The following GALNTL6 variants were observed in gnomAD, a reference collection of about 807,000 sequenced individuals.
The protein encoded by GALNTL6 is polypeptide N-acetylgalactosaminyltransferase like 6.
In GALNTL6, 46 loss-of-function variants were observed where a neutral mutation model predicts 73.7. That is an observed-to-expected ratio of 0.62 (90% CI 0.49 to 0.80). GALNTL6 has a LOEUF of 0.80. GALNTL6 is among the 30% of genes least tolerant of loss of function. The pLI is 0.00. For synonymous variants in GALNTL6, 259 were observed against 263.7 expected (o/e 0.98, Z 0.17); for missense variants, 604 against 755.0 (o/e 0.80, Z 2.34).
intron 3 of GALNTL6, among the ~76,000 whole-genome samples, chr4:172,284,338 G>A (rs1185966475): frequency 6.6e-6 from 1 of 152,108 alleles, no homozygotes; most frequent in African/African-American, 2.4e-5. Context: ...TGGGCATATT[G>A]CATAGTGGTG....
At chr4:172,667,269 C>T (rs1450029310) in intron 5 of GALNTL6, 1 of 152,220 alleles carries the variant, frequency 6.6e-6, no homozygotes, top group Non-Finnish European at 1.5e-5. Context: ...GTGTTAGGAG[C>T]TCCCTGTACC....
intron 5 of GALNTL6, among the ~76,000 whole-genome samples, chr4:172,645,327 T>C (rs1273134555): frequency 6.6e-6 from 1 of 152,072 alleles, no homozygotes; most frequent in African/African-American, 2.4e-5. Context: ...TTATTTTTTC[T>C]GCCTTTTCCA....
chr4:171,957,188 T>TA (rs1295973700), intron 2 of GALNTL6, among the ~76,000 whole-genome samples: 1 of 152,236 alleles, frequency 6.6e-6, no homozygotes, highest in Non-Finnish European at 1.5e-5. Context: ...TCTGTAGATT[T>TA]ATGGCTTAGT....
At chr4:172,311,880 C>T (rs1740377223) in intron 4 of GALNTL6, 128 bp downstream of exon 4, 1 of 631,844 alleles carries the variant, frequency 1.6e-6, no homozygotes, top group East Asian at 3.0e-5. Context: ...TTGATAAAAA[C>T]TCATATTGCA....
At chr4:172,037,768 C>T (rs1229472614) in intron 2 of GALNTL6, among the ~76,000 whole-genome samples, 1 of 152,132 alleles carries the variant, frequency 6.6e-6, no homozygotes, top group African/African-American at 2.4e-5. Context: ...ACTGCCCATT[C>T]AATTCTCAAA....
At chr4:171,920,610 A>G (rs1480255291) in intron 2 of GALNTL6, among the ~76,000 whole-genome samples, 1 of 152,160 alleles carries the variant, frequency 6.6e-6, no homozygotes, top group Non-Finnish European at 1.5e-5. Context: ...ATTAACACTG[A>G]AAAAGTATTT....
intron 5 of GALNTL6, among the ~76,000 whole-genome samples, chr4:172,792,670 G>A: frequency 1.4e-5 from 1 of 73,518 alleles, no homozygotes; most frequent in South Asian, 5.2e-4. Flanking sequence ...GCATAGTTTA[G>A]CTTTTTTTTT....
intron 5 of GALNTL6, among the ~76,000 whole-genome samples, chr4:172,766,750 G>A (rs926275736): frequency 6.6e-6 from 1 of 152,168 alleles, no homozygotes; most frequent in African/African-American, 2.4e-5. Context: ...TCAAGGAAAG[G>A]ATAAATGCTT....
At chr4:172,739,757 A>G (rs1218131173) in intron 5 of GALNTL6, among the ~76,000 whole-genome samples, 3 of 152,066 alleles carry the variant, frequency 2.0e-5, no homozygotes, top group Non-Finnish European at 2.9e-5. Flanking sequence ...CATACTAAGA[A>G]TTTTCTTTAG....
intron 2 of GALNTL6, among the ~76,000 whole-genome samples, chr4:172,184,345 TA>T (rs765601677): frequency 1.7e-4 from 26 of 152,132 alleles, no homozygotes; most frequent in Admixed American, 5.2e-4. Flanking sequence ...CAATTTGGGA[TA>T]GGGGGAAACT....
intron 7 of GALNTL6, among the ~76,000 whole-genome samples, chr4:172,845,459 G>T (rs1743459071): frequency 6.6e-6 from 1 of 152,088 alleles, no homozygotes; most frequent in Admixed American, 6.6e-5. Context: ...GAGGAAGTTG[G>T]ATTCCTGATA....
chr4:172,548,697 A>G (rs535014959), intron 5 of GALNTL6, among the ~76,000 whole-genome samples: 5 of 152,338 alleles, frequency 3.3e-5, no homozygotes, highest in Admixed American at 3.3e-4. Context: ...ACACAGTAGA[A>G]CAAATGTAAA....
chr4:172,771,996 A>G (rs1285188488), intron 5 of GALNTL6, among the ~76,000 whole-genome samples: 2 of 152,208 alleles, frequency 1.3e-5, no homozygotes, highest in East Asian at 3.8e-4. Flanking sequence ...ATGGACTCAC[A>G]GTTCCACATG....
Position 172,406,178 on chromosome 4 carries a change from T to C in GALNTL6, c.553+57489T>C, listed in dbSNP as rs1057148218. ...TACACATTTTATCTGTCTCTGTTTA[T>C]TTACTTATTTATTTATTTGTTTATT... On this transcript the variant is annotated intron_variant, in intron 5 of 12. Coordinates refer to ENST00000506823, the MANE Select transcript of GALNTL6 (RefSeq NM_001034845.3). Among the ~76,000 whole-genome samples, 2 of 151,976 alleles carry C rather than the reference T, an allele frequency of 1.3e-5. 1 individual carries two copies. The highest frequency in any genetic ancestry group is 2.9e-5 in the Non-Finnish European group (2 of 67,972).
intron 2 of GALNTL6, among the ~76,000 whole-genome samples, chr4:172,216,935 G>C (rs12504501): frequency 0.41 from 61,672 of 151,924 alleles, 12,777 homozygotes; most frequent in African/African-American, 0.45. Context: ...GGGGAGGGGG[G>C]CTTCCAGGCT....
chr4:172,604,782 T>C (rs1738195443), intron 5 of GALNTL6, among the ~76,000 whole-genome samples: 1 of 152,202 alleles, frequency 6.6e-6, no homozygotes. Flanking sequence ...CCTTGGAAGC[T>C]TCAGTGGCCA....
chr4:171,884,273 A>G (rs1032441438), intron 2 of GALNTL6, among the ~76,000 whole-genome samples: 4 of 152,098 alleles, frequency 2.6e-5, no homozygotes, highest in Non-Finnish European at 2.9e-5. Flanking sequence ...GAAAGATCTC[A>G]TGCTTAGACT....
intron 5 of GALNTL6, among the ~76,000 whole-genome samples, chr4:172,368,702 G>A (rs543579451): frequency 6.6e-6 from 1 of 151,998 alleles, no homozygotes. Flanking sequence ...GCCGGAGTTT[G>A]TTCCTTCAGA....
intron 2 of GALNTL6, among the ~76,000 whole-genome samples, chr4:172,100,619 A>G (rs1579138912): frequency 6.6e-6 from 1 of 152,334 alleles, no homozygotes; most frequent in East Asian, 1.9e-4. Flanking sequence ...AATGTTTATC[A>G]TGTTCCAGGC....
Sources: allele counts gnomAD v4.1 joint callset (sites outside exome capture counted in the v4.1 genomes callset), GRCh38; gene constraint gnomAD v4.1.1; transcripts MANE v1.5; gene names NCBI Gene and HGNC (gene_info 2026-07-23, HGNC 2026-07-21).